MEIS1: variants seen among roughly 807,000 people sequenced by gnomAD.
MEIS1 encodes the protein Meis homeobox 1, also known as homeobox protein Meis1.
A neutral mutation model predicts 50.8 loss-of-function variants in MEIS1; 5 were observed. That is an observed-to-expected ratio of 0.10 (90% CI 0.05 to 0.21). The LOEUF (loss-of-function observed/expected upper bound fraction) is 0.21, where lower values mean the gene tolerates loss of function less well. Among genes scored for constraint, MEIS1 ranks in the 10% least tolerant of loss-of-function variants. The pLI is 1.00. For synonymous variants in MEIS1, 176 were observed against 179.3 expected (o/e 0.98, Z 0.15); for missense variants, 318 against 517.3 (o/e 0.61, Z 3.74).
In MEIS1 at chr2:66,437,742, C is replaced by A. The variant is rs765836809; in HGVS notation, c.18C>A (p.Asp6Glu). The A allele has an allele frequency of 2.5e-6, 4 of 1,613,746 alleles. No homozygotes were observed. The highest frequency in any genetic ancestry group is 1.7e-5 in the Admixed American group (1 of 60,004). MAQRY[D>E]DLPHYGGMDG... ...CTCTCCTGTTTGTCATGCAGTACGA[C>A]GATCTACCCCATTACGGGGGCATGG... Residue 6 changes from aspartate (D) to glutamate (E), a missense_variant, in exon 2 of 13, where the codon GAC (aspartate) becomes GAA (glutamate). By Grantham distance (45) the Asp-to-Glu change is conservative (BLOSUM62 2). Around this residue, in one of 6 missense-constraint regions of MEIS1, gnomAD observed 100 missense variants for 107.1 expected, o/e 0.93. Coordinates refer to ENST00000272369, the MANE Select transcript of MEIS1 (RefSeq NM_002398.3).
intron 7 of MEIS1, among the ~76,000 whole-genome samples, chr2:66,469,310 C>T (rs1225261516): frequency 6.6e-6 from 1 of 152,136 alleles, no homozygotes; most frequent in Non-Finnish European, 1.5e-5. Flanking sequence ...TGCCCCATCC[C>T]CCTCCACACC....
In MEIS1 at chr2:66,571,334, G is replaced by GC. The variant is rs762712444; in HGVS notation, c.*133dup. On this transcript the variant is annotated 3_prime_UTR_variant, in exon 13 of 13. Transcript: ENST00000272369. ...AGCCAAGTTATACCCAACCCCAGATGCCCCCCCATCCTGCTCAGCTGCGTC... is the reference window on the plus strand; with the variant it reads ...AGCCAAGTTATACCCAACCCCAGATGCCCCCCCCATCCTGCTCAGCTGCGTC... The GC allele has an allele frequency of 1.3e-5, 20 of 1,598,316 alleles. No individual in the cohort carries two copies. Among genetic ancestry groups the GC allele is most frequent in the Admixed American group, 8.7e-5 (5 of 57,172 alleles).
chr2:66,540,030 A>C (rs1370338186), intron 8 of MEIS1, among the ~76,000 whole-genome samples: 1 of 152,142 alleles, frequency 6.6e-6, no homozygotes, highest in Non-Finnish European at 1.5e-5. Context: ...AAGTGGAGAA[A>C]CTCAGGGCCG....
At chr2:66,463,904 A>G (rs989596327) in intron 6 of MEIS1, among the ~76,000 whole-genome samples, 2 of 152,162 alleles carry the variant, frequency 1.3e-5, no homozygotes, top group African/African-American at 2.4e-5. Context: ...CTATTTGTAG[A>G]TATTATTTTA....
chr2:66,491,163 C>T (rs557545967), intron 7 of MEIS1, among the ~76,000 whole-genome samples: 1 of 152,308 alleles, frequency 6.6e-6, no homozygotes, highest in South Asian at 2.1e-4. Context: ...CTGCTGGGTA[C>T]TCTTGATGCA....
intron 7 of MEIS1, among the ~76,000 whole-genome samples, chr2:66,496,594 C>T (rs1673411549): frequency 6.6e-6 from 1 of 152,148 alleles, no homozygotes; most frequent in South Asian, 2.1e-4. Flanking sequence ...TTTGCTTTGT[C>T]CTTCTTTATG....
At chr2:66,444,244 T>G (rs2103693660) in intron 6 of MEIS1, among the ~76,000 whole-genome samples, 1 of 152,120 alleles carries the variant, frequency 6.6e-6, no homozygotes, top group Admixed American at 6.5e-5. Flanking sequence ...AGTCCAGATT[T>G]GGGGGAAGAG....
chr2:66,564,815 T>A (rs1003219642), intron 9 of MEIS1, among the ~76,000 whole-genome samples: 10 of 152,054 alleles, frequency 6.6e-5, no homozygotes, highest in Admixed American at 2.6e-4. Flanking sequence ...GTTGGTGTGC[T>A]GCCCCCATTA....
intron 8 of MEIS1, among the ~76,000 whole-genome samples, chr2:66,518,691 T>C (rs1674032212): frequency 6.6e-6 from 1 of 152,196 alleles, no homozygotes; most frequent in African/African-American, 2.4e-5. Flanking sequence ...AAAATTGGAG[T>C]ACCACAAGTA....
intron 7 of MEIS1, among the ~76,000 whole-genome samples, chr2:66,475,716 G>A (rs1672877888): frequency 6.6e-6 from 1 of 152,186 alleles, no homozygotes; most frequent in Non-Finnish European, 1.5e-5. Flanking sequence ...GGGAGTCCAG[G>A]GAGATGGCAG....
At chr2:66,537,655 G>A (rs1674554507) in intron 8 of MEIS1, among the ~76,000 whole-genome samples, 1 of 152,130 alleles carries the variant, frequency 6.6e-6, no homozygotes, top group Non-Finnish European at 1.5e-5. Context: ...AATAATTAAT[G>A]CTAGACAGGG....
At chr2:66,534,258 G>A (rs538402459) in intron 8 of MEIS1, among the ~76,000 whole-genome samples, 5 of 152,106 alleles carry the variant, frequency 3.3e-5, no homozygotes, top group Non-Finnish European at 7.4e-5. Context: ...TTTTTGGGCC[G>A]GGCGCAGTGG....
chr2:66,440,494 C>A (rs1558519253), intron 3 of MEIS1, 68 bp from the exon 4 acceptor site: 2 of 1,390,632 alleles, frequency 1.4e-6, no homozygotes, highest in South Asian at 2.4e-5. Context: ...GGAAGGCGAC[C>A]AGATTTCAAA....
intron 9 of MEIS1, among the ~76,000 whole-genome samples, chr2:66,552,601 T>G (rs1674948060): frequency 6.6e-6 from 1 of 152,230 alleles, no homozygotes; most frequent in African/African-American, 2.4e-5. Context: ...CTGCAAAGCA[T>G]TCAGGCATCA....
At chr2:66,548,164 C>T in intron 9 of MEIS1, 145 bp downstream of exon 9, 1 of 715,260 alleles carries the variant, frequency 1.4e-6, no homozygotes, top group Non-Finnish European at 2.4e-6. Context: ...AAACTGTTGA[C>T]TGATATGTGA....
intron 7 of MEIS1, among the ~76,000 whole-genome samples, chr2:66,465,172 A>G (rs974332458): frequency 4.6e-5 from 7 of 152,220 alleles, no homozygotes; most frequent in African/African-American, 7.2e-5. Context: ...AAAGTCTACA[A>G]TGAATTTAGT....
At position 66,548,057 on chromosome 2, in the gene MEIS1, T is replaced by C. The variant is rs772920643; in HGVS notation, c.965+38T>C. The C allele has an allele frequency of 4.4e-6, 7 of 1,598,594 alleles. No homozygotes were observed. In the Admixed American group the frequency reaches 6.8e-5, roughly 16 times the overall value. Reference sequence around the variant, plus strand: ...GCTTTGTGTTTACACACAATCTGTTTCCCCCTCTGGCAACCTGCAGCTCAT... The same window carrying C: ...GCTTTGTGTTTACACACAATCTGTTCCCCCCTCTGGCAACCTGCAGCTCAT... On this transcript the variant is annotated intron_variant, in intron 9 of 12. Transcript: ENST00000272369.
At chr2:66,559,183 C>A (rs1328668594) in intron 9 of MEIS1, among the ~76,000 whole-genome samples, 1 of 151,072 alleles carries the variant, frequency 6.6e-6, no homozygotes, top group Non-Finnish European at 1.5e-5. Context: ...AACAAGTAAA[C>A]AAAAAAACCT....
At chr2:66,445,857 T>C (rs1672129132) in intron 6 of MEIS1, among the ~76,000 whole-genome samples, 1 of 152,062 alleles carries the variant, frequency 6.6e-6, no homozygotes, top group Non-Finnish European at 1.5e-5. Context: ...ATTTATTTAT[T>C]TTAAAAATAG....
Sources: gnomAD v4.1 joint callset for allele counts (sites outside exome capture counted in the v4.1 genomes callset) on GRCh38, gnomAD v4.1.1 for gene constraint, gnomAD v4.1.1 regional missense constraint, MANE v1.5 for transcripts, NCBI Gene and HGNC (gene_info 2026-07-23, HGNC 2026-07-21) for gene names.